The following ZNF322 variants were observed in gnomAD, a reference collection of about 807,000 sequenced individuals.
ZNF322 encodes zinc finger protein 322, also known as HLA complex group 12.
A neutral mutation model predicts 18.3 loss-of-function variants in ZNF322; 1 was observed. The ratio of observed to expected loss-of-function variants is 0.05; its 90% CI spans 0.02 to 0.26. The LOEUF (loss-of-function observed/expected upper bound fraction) is 0.26. Among genes scored for constraint, ZNF322 ranks in the 10% least tolerant of loss-of-function variants. ZNF322 has a pLI of 1.00. For synonymous variants in ZNF322, 17 were observed against 130.7 expected, an observed-to-expected ratio of 0.13 and a Z score of 5.93; for missense variants, 36 against 403.6, an observed-to-expected ratio of 0.09 and a Z score of 7.80.
At chr6:26,650,832 A>T (rs1363269828) in intron 2 of ZNF322, among the ~76,000 whole-genome samples, 10 of 152,230 alleles carry the variant, frequency 6.6e-5, no homozygotes, top group African/African-American at 2.4e-4. Context: ...GGATAAGAAG[A>T]TTCAATATTG....
At chr6:26,651,195 G>GA (rs1490707768) in intron 2 of ZNF322, among the ~76,000 whole-genome samples, 1 of 135,062 alleles carries the variant, frequency 7.4e-6, no homozygotes, top group Non-Finnish European at 1.6e-5. Flanking sequence ...ATACAAGGCA[G>GA]AAAAAGACAG....
intron 2 of ZNF322, among the ~76,000 whole-genome samples, chr6:26,657,397 A>G (rs1019327528): frequency 3.3e-5 from 5 of 152,092 alleles, no homozygotes; most frequent in African/African-American, 9.7e-5. Flanking sequence ...GAGCTTTTGC[A>G]CTTGTTCCTT....
At chr6:26,641,918 T>C (rs1384962977) in intron 3 of ZNF322, among the ~76,000 whole-genome samples, 1 of 152,070 alleles carries the variant, frequency 6.6e-6, no homozygotes, top group Non-Finnish European at 1.5e-5. Flanking sequence ...GTAAAGGGTC[T>C]GTGCTGAGGA....
rs1308179711 is a variant in ZNF322 at position 26,636,704 on chromosome 6, T to C, written c.*641A>G. 1.6e-5 allele frequency: 2 copies of C among 123,706 alleles called. No homozygotes were observed. The highest frequency in any genetic ancestry group is 4.1e-3 in the Middle Eastern group (1 of 244). The allele number at this position is 123,706 out of a possible 1,614,324, so 7.7% of individuals were successfully genotyped here. Reference sequence around the variant, plus strand: ...CCTGATGTACCACAAGAGTTGATCATTGACAAGCACTCTTCATTCAGACAC... The same window carrying C: ...CCTGATGTACCACAAGAGTTGATCACTGACAAGCACTCTTCATTCAGACAC... On this transcript the variant is annotated 3_prime_UTR_variant, in exon 4 of 4. Coordinates refer to ENST00000415922, the MANE Select transcript of ZNF322 (RefSeq NM_024639.5).
intron 3 of ZNF322, among the ~76,000 whole-genome samples, chr6:26,638,954 G>T (rs1318900527): frequency 1.3e-5 from 2 of 152,128 alleles, no homozygotes; most frequent in African/African-American, 4.8e-5. Context: ...ATGAATCTGG[G>T]TAATTTTAAA....
chr6:26,652,628 T>A (rs1765691601), intron 2 of ZNF322, among the ~76,000 whole-genome samples: 1 of 151,914 alleles, frequency 6.6e-6, no homozygotes, highest in South Asian at 2.1e-4. Context: ...AGGCAGAGGT[T>A]GCAGTGAGCT....
intron 2 of ZNF322, among the ~76,000 whole-genome samples, chr6:26,656,190 A>T (rs1175281406): frequency 6.6e-6 from 1 of 152,206 alleles, no homozygotes; most frequent in Non-Finnish European, 1.5e-5. Context: ...GTTAATACTG[A>T]CAGTTTAAGC....
intron 3 of ZNF322, among the ~76,000 whole-genome samples, chr6:26,638,967 A>G (rs1554148082): frequency 2.0e-5 from 3 of 152,196 alleles, no homozygotes; most frequent in African/African-American, 4.8e-5. Flanking sequence ...ATTTTAAACA[A>G]GAGCTCTTCA....
chr6:26,638,757 T>C (rs1337081237), intron 3 of ZNF322, 29 bp from the exon 4 acceptor site: 53 of 833,154 alleles, frequency 6.4e-5, no homozygotes, highest in Non-Finnish European at 8.3e-5. Flanking sequence ...ATATTATTTA[T>C]ATTCCTATGA....
At chr6:26,647,391 T>C (rs942809976) in intron 2 of ZNF322, among the ~76,000 whole-genome samples, 3 of 152,086 alleles carry the variant, frequency 2.0e-5, no homozygotes, top group Admixed American at 2.0e-4. Flanking sequence ...ATACTTATTT[T>C]GTAAAACTTA....
At chr6:26,647,732 G>T (rs1765581316) in intron 2 of ZNF322, among the ~76,000 whole-genome samples, 1 of 152,006 alleles carries the variant, frequency 6.6e-6, no homozygotes, top group South Asian at 2.1e-4. Context: ...AATCTACACA[G>T]ACCAAATAAA....
At chr6:26,639,199 T>C (rs1272808920) in intron 3 of ZNF322, among the ~76,000 whole-genome samples, 1 of 152,194 alleles carries the variant, frequency 6.6e-6, no homozygotes, top group Non-Finnish European at 1.5e-5. Context: ...GGCAAGTTTC[T>C]TAACCACTGT....
chr6:26,649,671 GTGTGTATATATATATATATATATATA>G (rs1765623626), intron 2 of ZNF322, among the ~76,000 whole-genome samples: 3 of 37,842 alleles, frequency 7.9e-5, no homozygotes, highest in African/African-American at 3.4e-4. Flanking sequence ...GTGTGTGTGT[GTGTGTATATATATATATATATATATA>G]TATATTTTTT....
chr6:26,654,461 G>A (rs542088449), intron 2 of ZNF322, among the ~76,000 whole-genome samples: 4 of 152,178 alleles, frequency 2.6e-5, no homozygotes, highest in Admixed American at 2.6e-4. Flanking sequence ...TATAAGATAA[G>A]CCTGGACCAT....
At chr6:26,654,926 A>G (rs782668941) in intron 2 of ZNF322, among the ~76,000 whole-genome samples, 3 of 152,172 alleles carry the variant, frequency 2.0e-5, no homozygotes, top group Non-Finnish European at 4.4e-5. Flanking sequence ...ACTAAAGTGA[A>G]CATGACCAGT....
intron 2 of ZNF322, 124 bp downstream of exon 2, chr6:26,658,434 G>C (rs1765819792): frequency 1.3e-5 from 2 of 151,892 alleles, no homozygotes; most frequent in Non-Finnish European, 2.9e-5. Flanking sequence ...GCTATCTTAG[G>C]AGCTAAGAAA....
intron 2 of ZNF322, among the ~76,000 whole-genome samples, chr6:26,650,600 A>G (rs1765650423): frequency 6.6e-6 from 1 of 152,252 alleles, no homozygotes; most frequent in Non-Finnish European, 1.5e-5. Context: ...AGGTTGTACA[A>G]TACAGGGTTA....
intron 3 of ZNF322, among the ~76,000 whole-genome samples, chr6:26,639,262 C>T (rs1467216388): frequency 2.0e-5 from 3 of 152,184 alleles, no homozygotes; most frequent in Non-Finnish European, 4.4e-5. Flanking sequence ...CTACCTTACA[C>T]GGTTCTGTGG....
chr6:26,644,668 T>A (rs1458914627), intron 2 of ZNF322, among the ~76,000 whole-genome samples: 1 of 152,192 alleles, frequency 6.6e-6, no homozygotes, highest in African/African-American at 2.4e-5. Flanking sequence ...TTCCCCCTTT[T>A]GGTCCTCTTC....
Sources: gnomAD v4.1 joint callset for allele counts (sites outside exome capture counted in the v4.1 genomes callset) on GRCh38, gnomAD v4.1.1 for gene constraint, MANE v1.5 for transcripts, NCBI Gene and HGNC (gene_info 2026-07-23, HGNC 2026-07-21) for gene names.